SCAPER: variants seen among roughly 807,000 people sequenced by gnomAD.
The protein encoded by SCAPER is S phase cyclin A-associated protein in the endoplasmic reticulum.
Under a neutral mutation model 182.2 loss-of-function variants are expected in SCAPER, and 98 were observed. That is an observed-to-expected ratio of 0.54 (90% CI 0.46 to 0.64). SCAPER has a LOEUF of 0.64. Ranked by LOEUF, SCAPER falls within the 30% of genes least tolerant of loss-of-function variation. SCAPER has a pLI of 0.00. For missense variants in SCAPER, 1,432 were observed against 1,690.0 expected (o/e 0.85, Z 2.68); for synonymous variants, 605 against 564.6 (o/e 1.07, Z -1.01).
intron 20 of SCAPER, among the ~76,000 whole-genome samples, chr15:76,684,942 CA>C (rs1202977446): frequency 6.6e-6 from 1 of 151,016 alleles, no homozygotes; most frequent in Non-Finnish European, 1.5e-5. Context: ...AAAGATGACG[CA>C]AAAAAGGAAA....
chr15:76,740,214 G>A (rs2061469417), intron 15 of SCAPER, among the ~76,000 whole-genome samples: 1 of 152,156 alleles, frequency 6.6e-6, no homozygotes, highest in Non-Finnish European at 1.5e-5. Flanking sequence ...CACAGTTATT[G>A]TAGATTTTTA....
chr15:76,846,435 T>C (rs2070097870), intron 4 of SCAPER, among the ~76,000 whole-genome samples: 1 of 150,970 alleles, frequency 6.6e-6, no homozygotes, highest in African/African-American at 2.4e-5. Context: ...GGAGAAAATA[T>C]TTGCAAACTA....
At chr15:76,837,284 G>T (rs1192002026) in intron 5 of SCAPER, among the ~76,000 whole-genome samples, 3 of 152,160 alleles carry the variant, frequency 2.0e-5, no homozygotes, top group African/African-American at 7.2e-5. Flanking sequence ...TATAAAAAAT[G>T]CTGTATCAGT....
intron 17 of SCAPER, among the ~76,000 whole-genome samples, chr15:76,711,687 G>C (rs909763240): frequency 1.3e-5 from 2 of 152,300 alleles, no homozygotes; most frequent in Admixed American, 6.5e-5. Context: ...TTGATGGCCA[G>C]TGATGATGAG....
intron 26 of SCAPER, among the ~76,000 whole-genome samples, chr15:76,422,854 C>A (rs1193570253): frequency 3.3e-5 from 5 of 150,306 alleles, no homozygotes; most frequent in Non-Finnish European, 4.5e-5. Context: ...TGTCAAAGGC[C>A]TTTTCTGCAT....
chr15:76,473,987 T>G (rs1263267731), intron 24 of SCAPER, among the ~76,000 whole-genome samples: 1 of 151,996 alleles, frequency 6.6e-6, no homozygotes, highest in African/African-American at 2.4e-5. Flanking sequence ...AATTTTTATG[T>G]TTTTAGTAGA....
Position 76,702,866 on chromosome 15 carries a change from G to A in SCAPER, c.2384C>T (p.Ser795Phe), listed in dbSNP as rs781653875. Residue 795 changes from serine to phenylalanine, a missense_variant, in exon 19 of 32, where the codon TCT becomes TTT. By Grantham distance (155) the Ser-to-Phe change is radical (BLOSUM62 -2). Around this residue, in one of 5 missense-constraint regions of SCAPER, gnomAD observed 718 missense variants for 799.7 expected, o/e 0.90. Coordinates refer to ENST00000563290, the MANE Select transcript of SCAPER (RefSeq NM_020843.4). ...LTPYERKKQC[S>F]LCNVLISSEV... ...ACAACCTACCAGGACATTGCAGAGA[G>A]AACACTGCTTCTTTCTTTCATAAGG... 5 of 1,606,854 alleles carry A rather than the reference G, an allele frequency of 3.1e-6. No homozygotes were observed. In the African/African-American group the frequency reaches 4.0e-5, roughly 13 times the overall value.
At chr15:76,903,017 C>T (rs557627502) in intron 1 of SCAPER, among the ~76,000 whole-genome samples, 17 of 150,882 alleles carry the variant, frequency 1.1e-4, no homozygotes, top group Admixed American at 6.0e-4. Context: ...GCCAAGATTG[C>T]GCCACTGCAC....
chr15:76,886,390 G>A (rs1254388706), intron 1 of SCAPER, among the ~76,000 whole-genome samples: 13 of 152,286 alleles, frequency 8.5e-5, no homozygotes. Flanking sequence ...TGAGGCAGGA[G>A]AATCACTTGA....
At chr15:76,465,427 G>A (rs534811338) in intron 25 of SCAPER, among the ~76,000 whole-genome samples, 2 of 152,206 alleles carry the variant, frequency 1.3e-5, no homozygotes, top group Admixed American at 6.5e-5. Flanking sequence ...TGGTGATTAG[G>A]TTTCAACATA....
chr15:76,564,691 GAA>G (rs2046896127), intron 23 of SCAPER, among the ~76,000 whole-genome samples: 1 of 151,940 alleles, frequency 6.6e-6, no homozygotes, highest in Non-Finnish European at 1.5e-5. Context: ...TATGGAAGCA[GAA>G]AAGAGCCAAA....
chr15:76,804,090 A>AT (rs2065969683), intron 6 of SCAPER, among the ~76,000 whole-genome samples: 1 of 152,190 alleles, frequency 6.6e-6, no homozygotes, highest in Non-Finnish European at 1.5e-5. Context: ...CTACACTTAC[A>AT]TAGCTGTTTA....
chr15:76,529,532 G>T (rs1348614893), intron 23 of SCAPER, among the ~76,000 whole-genome samples: 2 of 152,178 alleles, frequency 1.3e-5, no homozygotes, highest in African/African-American at 2.4e-5. Context: ...TAGAGAAGGG[G>T]GCCTCTGGGC....
At chr15:76,586,919 A>C (rs1261786915) in intron 22 of SCAPER, among the ~76,000 whole-genome samples, 1 of 151,844 alleles carries the variant, frequency 6.6e-6, no homozygotes, top group Non-Finnish European at 1.5e-5. Flanking sequence ...TCAGCTGTGA[A>C]ACTGTCTGGT....
intron 2 of SCAPER, among the ~76,000 whole-genome samples, chr15:76,877,488 A>G (rs1281672664): frequency 2.0e-5 from 3 of 152,206 alleles, no homozygotes; most frequent in African/African-American, 7.2e-5. Context: ...ACTAATATCA[A>G]AAGAGAAAAC....
intron 15 of SCAPER, among the ~76,000 whole-genome samples, chr15:76,741,446 T>C (rs1040517916): frequency 6.6e-6 from 1 of 152,126 alleles, no homozygotes; most frequent in African/African-American, 2.4e-5. Flanking sequence ...CTGAAGGTTT[T>C]TGGCCTGAGA....
At chr15:76,895,944 G>A (rs545052576) in intron 1 of SCAPER, among the ~76,000 whole-genome samples, 31 of 152,014 alleles carry the variant, frequency 2.0e-4, no homozygotes, top group South Asian at 1.0e-3. Context: ...GGAAGCTGAG[G>A]CAGGAGAATG....
rs573632499 is a variant in SCAPER, at chr15:76,367,305, T to C, written c.3855+8857A>G. 2.6e-5 allele frequency among the ~76,000 whole-genome samples: 4 copies of C among 152,322 alleles called. No homozygotes were observed. The South Asian group carries it at 6.2e-4, about 24-fold the overall frequency. ...ACTGATGAGGGTCTTATATAAAATC[T>C]CCTATCTCAGGAGAGGTGTTCCCTG... On this transcript the variant is annotated intron_variant, in intron 29 of 31. Transcript: ENST00000563290.
chr15:76,771,560 T>C (rs73445316), intron 10 of SCAPER, among the ~76,000 whole-genome samples, 182 bp downstream of exon 10: 3,023 of 152,130 alleles, frequency 0.02, 98 homozygotes, highest in African/African-American at 0.068. Flanking sequence ...TTTCTTCCTC[T>C]AAAAAATAAG....
Sources: allele counts gnomAD v4.1 joint callset (sites outside exome capture counted in the v4.1 genomes callset), GRCh38; gene constraint gnomAD v4.1.1; regional missense constraint gnomAD v4.1.1; transcripts MANE v1.5; gene names NCBI Gene and HGNC (gene_info 2026-07-23, HGNC 2026-07-21).